The following NRCAM variants were observed in gnomAD, a reference collection of about 807,000 sequenced individuals.
The protein encoded by NRCAM is NgCAM-related cell adhesion molecule.
In NRCAM, 83 loss-of-function variants were observed where a neutral mutation model predicts 156.5. The observed-to-expected ratio is 0.53, with a 90% confidence interval of 0.44 to 0.64. The LOEUF is 0.64. NRCAM is among the 30% of genes least tolerant of loss of function. NRCAM has a pLI of 0.00. For synonymous variants in NRCAM, 538 were observed against 563.9 expected (o/e 0.95, Z 0.65); for missense variants, 1,417 against 1,597.3 (o/e 0.89, Z 1.92).
intron 27 of NRCAM, among the ~76,000 whole-genome samples, chr7:108,176,015 C>T (rs111464666): frequency 2.6e-5 from 4 of 151,998 alleles, no homozygotes; most frequent in African/African-American, 9.7e-5. Context: ...AGGACCAGAA[C>T]TCGAATTACA....
chr7:108,253,551 T>C (rs1262637874), intron 3 of NRCAM, among the ~76,000 whole-genome samples: 1 of 152,194 alleles, frequency 6.6e-6, no homozygotes, highest in Non-Finnish European at 1.5e-5. Flanking sequence ...TGGTGCCCGT[T>C]GTAAGGGGGC....
intron 3 of NRCAM, among the ~76,000 whole-genome samples, chr7:108,274,804 C>T (rs1244000937): frequency 6.6e-6 from 1 of 152,158 alleles, no homozygotes; most frequent in African/African-American, 2.4e-5. Flanking sequence ...AGACGGCATC[C>T]TTGTCTTGTG....
intron 3 of NRCAM, among the ~76,000 whole-genome samples, chr7:108,277,832 A>T (rs980535922): frequency 3.3e-5 from 5 of 152,086 alleles, no homozygotes; most frequent in African/African-American, 1.2e-4. Context: ...GGTTTTTGGA[A>T]TCTTCAGCCT....
intron 24 of NRCAM, among the ~76,000 whole-genome samples, chr7:108,181,513 G>A (rs2063458868): frequency 1.3e-5 from 2 of 152,136 alleles, no homozygotes; most frequent in Admixed American, 1.3e-4. Context: ...AAGCTAGCTA[G>A]AGTTGGTAAT....
At chr7:108,387,683 T>A (rs940816892) in intron 2 of NRCAM, among the ~76,000 whole-genome samples, 4 of 152,030 alleles carry the variant, frequency 2.6e-5, no homozygotes, top group Non-Finnish European at 4.4e-5. Context: ...TCATTTACAT[T>A]AGGTATATCT....
chr7:108,209,110 A>G (rs1377519888), intron 12 of NRCAM, among the ~76,000 whole-genome samples: 1 of 152,168 alleles, frequency 6.6e-6, no homozygotes, highest in African/African-American at 2.4e-5. Context: ...AGTTTCACCC[A>G]CTAATTTTAG....
chr7:108,371,083 G>A (rs1934190672), intron 2 of NRCAM, among the ~76,000 whole-genome samples: 1 of 152,104 alleles, frequency 6.6e-6, no homozygotes, highest in Admixed American at 6.6e-5. Flanking sequence ...GTTTTCTTCA[G>A]ATGAAAAACA....
At chr7:108,224,786 G>A (rs1022847169) in intron 10 of NRCAM, among the ~76,000 whole-genome samples, 12 of 152,052 alleles carry the variant, frequency 7.9e-5, no homozygotes, top group Non-Finnish European at 1.3e-4. Context: ...AGATTGTAGC[G>A]GGGAAACTTA....
In NRCAM at chr7:108,432,907, GAGAGAA is replaced by G. The variant is rs759370923; in HGVS notation, c.-332+23330_-332+23335del. On this transcript the variant is annotated intron_variant, in intron 1 of 32. Coordinates refer to ENST00000379028, the MANE Select transcript of NRCAM (RefSeq NM_001037132.4). Reference sequence around the variant, plus strand: ...GACTCTGAAAAAAGAAAGAGAGAGAGAGAGAAAGAGAAAGAGAAAGAGGAGAAAGAG... The same window carrying G: ...GACTCTGAAAAAAGAAAGAGAGAGAGAGAGAAAGAGAAAGAGGAGAAAGAG... Among the ~76,000 whole-genome samples, 399 of 150,226 alleles carry G rather than the reference GAGAGAA, an allele frequency of 2.7e-3. 5 individuals are homozygous for G. Among genetic ancestry groups the G allele is most frequent in the East Asian group, 0.023 (114 of 5,040 alleles).
chr7:108,348,973 G>T (rs934575169), intron 2 of NRCAM, among the ~76,000 whole-genome samples: 4 of 152,004 alleles, frequency 2.6e-5, no homozygotes, highest in African/African-American at 7.2e-5. Context: ...TATCAGGATG[G>T]GGGGGAATGT....
At position 108,417,151 on chromosome 7, in the gene NRCAM, G is replaced by A. The variant is rs114054144; in HGVS notation, c.-331-17558C>T. Among the ~76,000 whole-genome samples, 1,361 of 152,296 alleles carry A rather than the reference G, an allele frequency of 8.9e-3. 24 individuals carry two copies. The highest frequency in any genetic ancestry group is 0.031 in the African/African-American group (1,280 of 41,554). The stretch of plus-strand genomic sequence containing the variant: ...CTCCATTTGATCAAATAATACTGGT[G>A]CTTCTAAGGATCCTTTAAGCTAATA... On this transcript the variant is annotated intron_variant, in intron 1 of 32. Transcript: ENST00000379028.
chr7:108,157,243 T>G (rs409724), intron 32 of NRCAM, among the ~76,000 whole-genome samples: 88,437 of 151,992 alleles, frequency 0.58, 30,080 homozygotes, highest in East Asian at 0.82. Context: ...TTGCACTCAA[T>G]AAGCCCAAAT....
intron 3 of NRCAM, among the ~76,000 whole-genome samples, chr7:108,297,773 G>C (rs1475700494): frequency 6.6e-6 from 1 of 152,216 alleles, no homozygotes; most frequent in African/African-American, 2.4e-5. Context: ...GTTCCAACAT[G>C]TCAATGTGTG....
chr7:108,240,700 G>T (rs888839467), intron 3 of NRCAM, among the ~76,000 whole-genome samples: 9 of 151,818 alleles, frequency 5.9e-5, no homozygotes, highest in Admixed American at 3.3e-4. Context: ...TCTGAGTTCG[G>T]GCCTTCCTCC....
At chr7:108,211,842 C>A (rs1322599451) in intron 11 of NRCAM, among the ~76,000 whole-genome samples, 1 of 152,156 alleles carries the variant, frequency 6.6e-6, no homozygotes, top group African/African-American at 2.4e-5. Context: ...AGACAAAGGG[C>A]ATATAATCTT....
chr7:108,312,889 C>T (rs2098822060), intron 2 of NRCAM, among the ~76,000 whole-genome samples, 158 bp from the exon 3 acceptor site: 5 of 152,144 alleles, frequency 3.3e-5, no homozygotes, highest in African/African-American at 1.2e-4. Context: ...TTTGCCAAAA[C>T]ATATCTCTGC....
At chr7:108,217,349 T>A (rs986243453) in intron 11 of NRCAM, among the ~76,000 whole-genome samples, 2 of 152,174 alleles carry the variant, frequency 1.3e-5, no homozygotes, top group African/African-American at 4.8e-5. Flanking sequence ...GTATGAGGTG[T>A]CTGTCGACCC....
At chr7:108,245,557 G>T (rs1233503637) in intron 3 of NRCAM, among the ~76,000 whole-genome samples, 1 of 152,026 alleles carries the variant, frequency 6.6e-6, no homozygotes, top group Non-Finnish European at 1.5e-5. Context: ...GTGTGTACAT[G>T]GTACAATATT....
chr7:108,395,589 C>A (rs570349985), intron 2 of NRCAM, among the ~76,000 whole-genome samples: 261 of 152,338 alleles, frequency 1.7e-3, no homozygotes, highest in Admixed American at 2.4e-3. Context: ...CCTGGCAACT[C>A]ACCCATGCCT....
Sources: gnomAD v4.1 joint callset for allele counts (sites outside exome capture counted in the v4.1 genomes callset) on GRCh38, gnomAD v4.1.1 for gene constraint, MANE v1.5 for transcripts, NCBI Gene and HGNC (gene_info 2026-07-23, HGNC 2026-07-21) for gene names.